The following GLIS3 variants were observed in gnomAD, a reference collection of about 807,000 sequenced individuals.
GLIS3 encodes GLIS family zinc finger 3.
A neutral mutation model predicts 78.6 loss-of-function variants in GLIS3; 53 were observed. The ratio of observed to expected loss-of-function variants is 0.67; its 90% CI spans 0.54 to 0.85. GLIS3 has a LOEUF of 0.85. Among genes scored for constraint, GLIS3 ranks in the 40% least tolerant of loss-of-function variants. The pLI, the probability that GLIS3 is intolerant of heterozygous loss-of-function variation, is 0.00. For synonymous variants in GLIS3, 684 were observed against 509.9 expected (o/e 1.34, Z -4.60); for missense variants, 1,703 against 1,231.1 (o/e 1.38, Z -5.74).
intron 4 of GLIS3, among the ~76,000 whole-genome samples, chr9:3,938,997 T>C (rs1362291778): frequency 1.3e-5 from 2 of 152,202 alleles, no homozygotes; most frequent in Non-Finnish European, 2.9e-5. Context: ...CTCAGTTTAT[T>C]TGACTTGGAA....
intron 2 of GLIS3, among the ~76,000 whole-genome samples, chr9:4,131,070 G>A (rs1374858553): frequency 6.6e-6 from 1 of 152,198 alleles, no homozygotes; most frequent in African/African-American, 2.4e-5. Flanking sequence ...CCTAGGGGGG[G>A]TTGGGGCTTG....
At chr9:4,169,794 C>G (rs907319967) in intron 2 of GLIS3, among the ~76,000 whole-genome samples, 1 of 152,190 alleles carries the variant, frequency 6.6e-6, no homozygotes, top group East Asian at 1.9e-4. Context: ...TTTGGGAAAT[C>G]TGGGTAAAGA....
At chr9:4,051,986 A>T (rs1206579452) in intron 4 of GLIS3, among the ~76,000 whole-genome samples, 1 of 152,240 alleles carries the variant, frequency 6.6e-6, no homozygotes, top group Non-Finnish European at 1.5e-5. Flanking sequence ...TTTGTAGAAC[A>T]CAATTACAGA....
intron 9 of GLIS3, among the ~76,000 whole-genome samples, chr9:3,837,760 A>T (rs1255665266): frequency 6.6e-6 from 1 of 152,234 alleles, no homozygotes; most frequent in Non-Finnish European, 1.5e-5. Context: ...CGTGGTTTCC[A>T]CAGGTTGGGG....
At chr9:4,192,356 T>G (rs568166978) in intron 2 of GLIS3, among the ~76,000 whole-genome samples, 1 of 152,354 alleles carries the variant, frequency 6.6e-6, no homozygotes, top group South Asian at 2.1e-4. Context: ...TTTATTTCAG[T>G]GACATGATGC....
At chr9:4,303,806 C>CT (rs1453014835), upstream of GLIS3, among the ~76,000 whole-genome samples, 27 of 152,308 alleles carry the variant, frequency 1.8e-4, no homozygotes, top group African/African-American at 5.5e-4. Context: ...TGACATATTA[C>CT]TTAGGTATAT....
intron 9 of GLIS3, among the ~76,000 whole-genome samples, chr9:3,854,921 T>C (rs1819667426): frequency 6.6e-6 from 1 of 152,184 alleles, no homozygotes; most frequent in Non-Finnish European, 1.5e-5. Flanking sequence ...TCACACTCAA[T>C]TTGCATATTG....
At chr9:3,912,479 G>T (rs1042068069) in intron 6 of GLIS3, among the ~76,000 whole-genome samples, 1 of 152,182 alleles carries the variant, frequency 6.6e-6, no homozygotes, top group Non-Finnish European at 1.5e-5. Context: ...TCATTTAGAT[G>T]TCCTTTTACC....
rs150140216 is a variant in GLIS3, at chr9:4,220,422, G to C, written c.388+65616C>G. Among the ~76,000 whole-genome samples the C allele has an allele frequency of 5.9e-4, 90 of 152,296 alleles. 1 individual carries two copies. The highest frequency in any genetic ancestry group is 2.1e-3 in the African/African-American group (86 of 41,560). The stretch of plus-strand genomic sequence containing the variant: ...AATTAACTTCACAGTAGAGAAAACT[G>C]GCACACAGTATCTTAGCCAAGGGAT... On this transcript the variant is annotated intron_variant, in intron 2 of 10. Transcript: ENST00000381971.
chr9:4,398,115 T>C, the GLIS3 span, among the ~76,000 whole-genome samples: 1 of 152,010 alleles, frequency 6.6e-6, no homozygotes, highest in African/African-American at 2.4e-5. Context: ...CTTTGGTGAG[T>C]CATCCCACCT....
the GLIS3 span, among the ~76,000 whole-genome samples, chr9:4,451,831 G>T: frequency 6.6e-6 from 1 of 151,912 alleles, no homozygotes; most frequent in East Asian, 1.9e-4. Flanking sequence ...CAGAATCTCT[G>T]GGACACATTT....
At chr9:4,436,089 C>T in the GLIS3 span, among the ~76,000 whole-genome samples, 5 of 152,264 alleles carry the variant, frequency 3.3e-5, no homozygotes, top group African/African-American at 7.2e-5. Flanking sequence ...ACAGCACTGA[C>T]GCCAAAATAT....
chr9:4,340,603 G>A (rs1817820492), intron 2 of GLIS3, among the ~76,000 whole-genome samples: 1 of 152,146 alleles, frequency 6.6e-6, no homozygotes, highest in Non-Finnish European at 1.5e-5. Context: ...TGGTCCATGT[G>A]CTCATCTCCA....
At chr9:4,411,772 A>AG in the GLIS3 span, among the ~76,000 whole-genome samples, 3 of 152,226 alleles carry the variant, frequency 2.0e-5, no homozygotes, top group Non-Finnish European at 4.4e-5. Flanking sequence ...CATCCACCAC[A>AG]GTCTTATGCC....
chr9:4,005,915 C>T (rs771235401), intron 4 of GLIS3, among the ~76,000 whole-genome samples: 10 of 152,164 alleles, frequency 6.6e-5, no homozygotes, highest in Non-Finnish European at 1.3e-4. Context: ...GTCTGTTAGT[C>T]ATTTGCTGAA....
intron 7 of GLIS3, among the ~76,000 whole-genome samples, chr9:3,885,039 A>G (rs1821980531): frequency 6.6e-6 from 1 of 152,226 alleles, no homozygotes; most frequent in African/African-American, 2.4e-5. Context: ...GTTTCTGCCC[A>G]TCCTGAAAGC....
At chr9:4,410,288 A>T in the GLIS3 span, among the ~76,000 whole-genome samples, 3 of 152,042 alleles carry the variant, frequency 2.0e-5, no homozygotes, top group African/African-American at 7.2e-5. Flanking sequence ...TGAAAAATTC[A>T]GTTCTTTATT....
intron 4 of GLIS3, among the ~76,000 whole-genome samples, chr9:4,027,817 A>C (rs1159478902): frequency 6.6e-6 from 1 of 152,210 alleles, no homozygotes; most frequent in African/African-American, 2.4e-5. Context: ...ATGAGAACAG[A>C]CAGCCCCGGC....
intron 6 of GLIS3, among the ~76,000 whole-genome samples, chr9:3,926,109 T>G (rs1413075284): frequency 6.6e-6 from 1 of 152,180 alleles, no homozygotes; most frequent in Non-Finnish European, 1.5e-5. Context: ...TGCAGAAAGG[T>G]GCAATTAAAA....
Sources: gnomAD v4.1 joint callset for allele counts (sites outside exome capture counted in the v4.1 genomes callset) on GRCh38, gnomAD v4.1.1 for gene constraint, MANE v1.5 for transcripts, NCBI Gene and HGNC (gene_info 2026-07-23, HGNC 2026-07-21) for gene names.